Variants in DNAJC6 observed in about 807,000 individuals in gnomAD.
The protein encoded by DNAJC6 is DnaJ heat shock protein family (Hsp40) member C6.
Under a neutral mutation model 110.0 loss-of-function variants are expected in DNAJC6, and 34 were observed. The observed-to-expected ratio is 0.31, with a 90% CI of 0.24 to 0.41. DNAJC6 has a LOEUF of 0.41. Ranked by LOEUF, DNAJC6 falls within the 10% of genes least tolerant of loss-of-function variation. The pLI is 1.00. For missense variants in DNAJC6, 1,031 were observed against 1,207.8 expected (o/e 0.85, Z 2.17); for synonymous variants, 406 against 437.2 (o/e 0.93, Z 0.89).
chr1:65,310,643 A>T (rs1010520266), intron 1 of DNAJC6, among the ~76,000 whole-genome samples: 1 of 152,064 alleles, frequency 6.6e-6, no homozygotes, highest in African/African-American at 2.4e-5. Context: ...ATTCCTCTAA[A>T]CTTTGTATCG....
intron 1 of DNAJC6, among the ~76,000 whole-genome samples, chr1:65,343,296 A>G (rs1187155264): frequency 6.6e-6 from 1 of 152,206 alleles, no homozygotes; most frequent in Non-Finnish European, 1.5e-5. Context: ...CGAAGAGCAG[A>G]TGGAACCACA....
At chr1:65,383,720 A>G (rs1645844469) in intron 5 of DNAJC6, among the ~76,000 whole-genome samples, 2 of 152,194 alleles carry the variant, frequency 1.3e-5, no homozygotes, top group Non-Finnish European at 1.5e-5. Context: ...TCAGTCCACA[A>G]CAGATTTATT....
intron 1 of DNAJC6, among the ~76,000 whole-genome samples, chr1:65,312,971 T>C (rs942024293): frequency 1.3e-5 from 2 of 152,120 alleles, no homozygotes; most frequent in Non-Finnish European, 2.9e-5. Flanking sequence ...GGCTAATTTT[T>C]GTATTTTTAG....
At position 65,309,902 on chromosome 1, in the gene DNAJC6, C is replaced by A; in HGVS notation, c.157C>A (p.Gln53Lys). The change falls in exon 1 of 19, where the codon CAG becomes AAG. Residue 53 changes from glutamine to lysine, a missense_variant. By Grantham distance (53) the Gln-to-Lys change is moderately conservative (BLOSUM62 1). Coordinates refer to ENST00000371069, the MANE Select transcript of DNAJC6 (RefSeq NM_001256864.2). ...AGAAARSPARQPPDRASTMDS... is the reference protein window; with the variant it reads ...AGAAARSPARKPPDRASTMDS... Reference sequence around the variant, plus strand: ...GGCAGCGGCGCGGAGTCCCGCCCGACAGCCTCCGGACCGCGCCAGCACCAT... The same window carrying A: ...GGCAGCGGCGCGGAGTCCCGCCCGAAAGCCTCCGGACCGCGCCAGCACCAT... The A allele has an allele frequency of 6.5e-7, 1 of 1,539,836 alleles. No individual in the cohort carries two copies. Among genetic ancestry groups the A allele is most frequent in the Non-Finnish European group, 8.8e-7 (1 of 1,141,486 alleles).
intron 4 of DNAJC6, 99 bp from the exon 5 acceptor site, chr1:65,379,303 A>T: frequency 6.9e-7 from 1 of 1,446,456 alleles, no homozygotes; most frequent in Non-Finnish European, 9.5e-7. Context: ...TTAAGAGAGG[A>T]TGTGGTATCA....
chr1:65,390,198 A>G (rs546796937), intron 11 of DNAJC6, among the ~76,000 whole-genome samples: 74 of 152,268 alleles, frequency 4.9e-4, no homozygotes, highest in African/African-American at 1.8e-3. Flanking sequence ...ACTGACAAAT[A>G]AGTGTGATTT....
intron 1 of DNAJC6, among the ~76,000 whole-genome samples, chr1:65,323,923 A>T (rs1182350897): frequency 1.3e-5 from 2 of 152,098 alleles, no homozygotes; most frequent in Non-Finnish European, 2.9e-5. Flanking sequence ...TGCCTTTCTT[A>T]TCAGATTGTT....
chr1:65,348,152 T>G (rs1380204167), intron 1 of DNAJC6, among the ~76,000 whole-genome samples: 1 of 152,200 alleles, frequency 6.6e-6, no homozygotes, highest in Non-Finnish European at 1.5e-5. Flanking sequence ...GAGCCTTAAT[T>G]TCATCATTAT....
rs149823891 is a variant in DNAJC6 at position 65,277,337 on chromosome 1, T to C, written c.-131+12405T>C. 3.0e-4 allele frequency among the ~76,000 whole-genome samples: 45 copies of C among 152,336 alleles called. 1 individual carries two copies. The East Asian group carries it at 6.2e-3, about 21-fold the overall frequency. The stretch of plus-strand genomic sequence containing the variant: ...AAATTCTTACAAATATATGTTGCTT[T>C]GTTCCAGAGAATATGTGTACTAAAA... On this transcript the variant is annotated intron_variant, in intron 1 of 19. Transcript: ENST00000263441.
chr1:65,295,878 A>C (rs999713843), intron 1 of DNAJC6, among the ~76,000 whole-genome samples: 2 of 152,330 alleles, frequency 1.3e-5, no homozygotes, highest in South Asian at 4.1e-4. Flanking sequence ...AACTGGCCCC[A>C]TGGTAATACT....
At chr1:65,321,977 G>T (rs1645201486) in intron 1 of DNAJC6, among the ~76,000 whole-genome samples, 1 of 152,144 alleles carries the variant, frequency 6.6e-6, no homozygotes, top group Non-Finnish European at 1.5e-5. Flanking sequence ...GTAATTATTG[G>T]TCTTAAAATT....
At chr1:65,385,589 G>T (rs1645863597) in intron 6 of DNAJC6, 123 bp from the exon 7 acceptor site, 2 of 832,406 alleles carry the variant, frequency 2.4e-6, no homozygotes, top group Non-Finnish European at 3.5e-6. Context: ...TAATATTTAA[G>T]AAATTGATAG....
intron 1 of DNAJC6, among the ~76,000 whole-genome samples, chr1:65,274,610 C>T (rs1321846850): frequency 1.3e-5 from 2 of 152,222 alleles, no homozygotes; most frequent in East Asian, 3.8e-4. Flanking sequence ...AGCCACTGTG[C>T]CCAGCCTATA....
chr1:65,361,328 C>T lies in DNAJC6; in HGVS notation c.194-3307C>T, dbSNP rs575624869. Among the ~76,000 whole-genome samples, 4 of 152,298 alleles carry T rather than the reference C, an allele frequency of 2.6e-5. No homozygotes were observed. The East Asian group carries it at 7.7e-4, about 29-fold the overall frequency. Reference sequence around the variant, plus strand: ...GTTTACCAGTATTCAATGTGCTTTGCAATTTCTAACAGAGCCTCATTTTCT... The same window carrying T: ...GTTTACCAGTATTCAATGTGCTTTGTAATTTCTAACAGAGCCTCATTTTCT... On this transcript the variant is annotated intron_variant, in intron 1 of 18. Transcript: ENST00000371069.
chr1:65,303,350 C>T (rs1400856159), intron 1 of DNAJC6, among the ~76,000 whole-genome samples: 3 of 152,122 alleles, frequency 2.0e-5, no homozygotes, highest in South Asian at 4.1e-4. Context: ...CAAATAATAA[C>T]ATTTGTTACA....
At chr1:65,369,176 C>T (rs1392608081) in intron 4 of DNAJC6, among the ~76,000 whole-genome samples, 1 of 152,174 alleles carries the variant, frequency 6.6e-6, no homozygotes, top group African/African-American at 2.4e-5. Flanking sequence ...ACATCTTTAG[C>T]TCTTCCAGAT....
At chr1:65,312,972 G>A (rs778880013) in intron 1 of DNAJC6, among the ~76,000 whole-genome samples, 1 of 151,940 alleles carries the variant, frequency 6.6e-6, no homozygotes, top group Non-Finnish European at 1.5e-5. Context: ...GCTAATTTTT[G>A]TATTTTTAGT....
intron 14 of DNAJC6, among the ~76,000 whole-genome samples, chr1:65,401,095 T>C (rs748106859): frequency 6.6e-6 from 1 of 152,178 alleles, no homozygotes; most frequent in Non-Finnish European, 1.5e-5. Context: ...TATACATCTG[T>C]TGGTTTTATA....
rs573599802 is a variant in DNAJC6 at position 65,414,572 on chromosome 1, A to G, written c.*1547A>G. The G allele has an allele frequency of 2.9e-4, 44 of 152,800 alleles. No homozygotes were observed. The highest frequency in any genetic ancestry group is 1.1e-3 in the African/African-American group (44 of 41,594). The allele number at this position is 152,800 out of a possible 1,614,324, so 9.5% of individuals were successfully genotyped here. On this transcript the variant is annotated 3_prime_UTR_variant, in exon 19 of 19. Coordinates refer to ENST00000371069, the MANE Select transcript of DNAJC6 (RefSeq NM_001256864.2). Reference sequence around the variant, plus strand: ...ATGTCAAAAATACTTTAGGTTCTACATAGATCTCTTTCTCTCTTTTGTTTT... The same window carrying G: ...ATGTCAAAAATACTTTAGGTTCTACGTAGATCTCTTTCTCTCTTTTGTTTT...
Sources: allele counts gnomAD v4.1 joint callset (sites outside exome capture counted in the v4.1 genomes callset), GRCh38; gene constraint gnomAD v4.1.1; transcripts MANE v1.5; gene names NCBI Gene and HGNC (gene_info 2026-07-23, HGNC 2026-07-21).